CNTN5: variants seen among roughly 807,000 people sequenced by gnomAD.
CNTN5 encodes contactin-5.
In CNTN5, 77 loss-of-function variants were observed where a neutral mutation model predicts 129.1. That is an observed-to-expected ratio of 0.60 (90% CI 0.50 to 0.72). The LOEUF is 0.72. Among genes scored for constraint, CNTN5 ranks in the 30% least tolerant of loss-of-function variants. The pLI is 0.00. For synonymous variants in CNTN5, 509 were observed against 465.6 expected, an observed-to-expected ratio of 1.09 and a Z score of -1.20; for missense variants, 1,478 against 1,328.8, an observed-to-expected ratio of 1.11 and a Z score of -1.75.
intron 2 of CNTN5, among the ~76,000 whole-genome samples, chr11:99,470,107 C>T (rs1265525807): frequency 6.6e-6 from 1 of 152,150 alleles, no homozygotes; most frequent in African/African-American, 2.4e-5. Flanking sequence ...TTCAAGTGTT[C>T]TCTGTCAGTT....
chr11:99,667,647 G>A (rs1591449065), intron 3 of CNTN5, among the ~76,000 whole-genome samples: 1 of 152,272 alleles, frequency 6.6e-6, no homozygotes, highest in East Asian at 1.9e-4. Flanking sequence ...CTTTTGCTAT[G>A]TCATGGATGA....
intron 6 of CNTN5, among the ~76,000 whole-genome samples, chr11:99,869,305 C>A (rs890809605): frequency 5.9e-4 from 90 of 152,130 alleles, no homozygotes; most frequent in African/African-American, 2.0e-3. Flanking sequence ...TGTGAATTGT[C>A]AAAATCAAGA....
chr11:99,204,673 A>T (rs1591356186), intron 1 of CNTN5, among the ~76,000 whole-genome samples: 5 of 152,208 alleles, frequency 3.3e-5, no homozygotes, highest in Admixed American at 3.3e-4. Context: ...AGAACTGAGT[A>T]TATAACTGAA....
At chr11:99,409,262 A>G (rs1200877133) in intron 2 of CNTN5, among the ~76,000 whole-genome samples, 2 of 152,196 alleles carry the variant, frequency 1.3e-5, no homozygotes, top group African/African-American at 4.8e-5. Context: ...CAGGAGATCG[A>G]GACCATCCAA....
At chr11:100,289,096 C>G (rs560598258) in intron 18 of CNTN5, among the ~76,000 whole-genome samples, 1 of 152,244 alleles carries the variant, frequency 6.6e-6, no homozygotes, top group Admixed American at 6.5e-5. Context: ...ATAACAGGAT[C>G]TGAAATTGTG....
At chr11:99,280,562 G>A (rs1863649411) in intron 1 of CNTN5, among the ~76,000 whole-genome samples, 1 of 150,948 alleles carries the variant, frequency 6.6e-6, no homozygotes, top group African/African-American at 2.4e-5. Flanking sequence ...CTGGGTTCTA[G>A]GTTAAAAAAA....
intron 3 of CNTN5, among the ~76,000 whole-genome samples, chr11:99,597,504 G>A (rs2050861245): frequency 1.9e-5 from 1 of 52,152 alleles, no homozygotes; most frequent in Non-Finnish European, 4.2e-5. Context: ...CTCTATTTAT[G>A]TTTAAGACTG....
intron 3 of CNTN5, among the ~76,000 whole-genome samples, chr11:99,663,894 A>G (rs1242552495): frequency 6.6e-6 from 1 of 152,174 alleles, no homozygotes; most frequent in Non-Finnish European, 1.5e-5. Context: ...ATTTAGGCCA[A>G]CACAATCAAA....
At chr11:99,625,360 T>G (rs2135780327) in intron 3 of CNTN5, among the ~76,000 whole-genome samples, 1 of 152,230 alleles carries the variant, frequency 6.6e-6, no homozygotes, top group South Asian at 2.1e-4. Context: ...AAAAACACAT[T>G]ATTTGGAAAG....
At chr11:100,129,160 A>C (rs1420908790) in intron 13 of CNTN5, among the ~76,000 whole-genome samples, 1 of 152,148 alleles carries the variant, frequency 6.6e-6, no homozygotes, top group African/African-American at 2.4e-5. Context: ...TAATTAAATA[A>C]ATGAATGGAT....
chr11:99,772,549 A>G (rs1944982258), intron 3 of CNTN5, among the ~76,000 whole-genome samples: 1 of 152,062 alleles, frequency 6.6e-6, no homozygotes, highest in Non-Finnish European at 1.5e-5. Context: ...TTTCACTGAT[A>G]CTGCAGCTCA....
intron 2 of CNTN5, among the ~76,000 whole-genome samples, chr11:99,362,631 C>A (rs1423819406): frequency 2.0e-5 from 3 of 149,566 alleles, no homozygotes; most frequent in African/African-American, 4.9e-5. Context: ...TCTTAAGCAT[C>A]CTTTTGGTGA....
rs1555050886 is a variant in CNTN5, at chr11:99,123,669, T to TAA, written c.-210+102400_-210+102401insAA. Among the ~76,000 whole-genome samples, 80 of 146,200 alleles carry TAA rather than the reference T, an allele frequency of 5.5e-4. 1 individual carries two copies. The highest frequency in any genetic ancestry group is 1.4e-4 in the Non-Finnish European group (9 of 66,348). ...ATCTTCCAGGGTTTTTTTTTTTTTT[T>TAA]ATAGTTTTAGGTTTTACATTTAAGT... is the stretch of plus-strand genomic sequence containing the variant. On this transcript the variant is annotated intron_variant, in intron 1 of 24. Coordinates refer to ENST00000524871, the MANE Select transcript of CNTN5 (RefSeq NM_014361.4).
At chr11:99,684,917 T>C (rs1953722988) in intron 3 of CNTN5, among the ~76,000 whole-genome samples, 3 of 151,702 alleles carry the variant, frequency 2.0e-5, no homozygotes, top group Middle Eastern at 3.3e-3. Context: ...TTTATTGATC[T>C]CTTTTCTATG....
intron 2 of CNTN5, among the ~76,000 whole-genome samples, chr11:99,379,277 G>A (rs150368632): frequency 0.024 from 3,636 of 148,674 alleles, 237 homozygotes; most frequent in East Asian, 0.18. Context: ...TTAATTATAC[G>A]AATAACTATG....
intron 9 of CNTN5, among the ~76,000 whole-genome samples, chr11:100,038,875 G>A (rs971357200): frequency 3.3e-5 from 5 of 152,054 alleles, no homozygotes; most frequent in South Asian, 2.1e-4. Flanking sequence ...TGCACGTGAG[G>A]TGGGTTTCCT....
At chr11:99,155,612 C>G (rs373928682) in intron 1 of CNTN5, among the ~76,000 whole-genome samples, 54 of 151,840 alleles carry the variant, frequency 3.6e-4, no homozygotes, top group African/African-American at 1.3e-3. Context: ...ACTGTGGTAA[C>G]TGAAATTTAA....
chr11:99,419,548 T>A (rs970534858), intron 2 of CNTN5, among the ~76,000 whole-genome samples: 4 of 152,126 alleles, frequency 2.6e-5, no homozygotes, highest in African/African-American at 9.7e-5. Context: ...GCTGGAAGTG[T>A]TAAAAACAGA....
In CNTN5 at chr11:99,122,952, G is replaced by T. The variant is rs373696352; in HGVS notation, c.-210+101682G>T. On this transcript the variant is annotated intron_variant, in intron 1 of 24. Transcript: ENST00000524871. The stretch of plus-strand genomic sequence containing the variant: ...TTTTAATGCAGTCTACCGTTCATGG[G>T]CATTCAGGTTGATTTTTTGTCTTTG... Among the ~76,000 whole-genome samples, 108 of 152,200 alleles carry T rather than the reference G, an allele frequency of 7.1e-4. 1 individual carries two copies. Among genetic ancestry groups the T allele is most frequent in the African/African-American group, 2.5e-3 (103 of 41,542 alleles).
Sources: gnomAD v4.1 joint callset for allele counts (sites outside exome capture counted in the v4.1 genomes callset) on GRCh38, gnomAD v4.1.1 for gene constraint, MANE v1.5 for transcripts, NCBI Gene and HGNC (gene_info 2026-07-23, HGNC 2026-07-21) for gene names.